Variants in ADAM17 observed in about 807,000 individuals in gnomAD.
The protein encoded by ADAM17 is ADAM metallopeptidase domain 17.
In ADAM17, 39 loss-of-function variants were observed where a neutral mutation model predicts 96.7. The observed-to-expected ratio is 0.40, with a 90% CI of 0.31 to 0.53. The LOEUF is 0.53. Ranked by LOEUF, ADAM17 falls within the 20% of genes least tolerant of loss-of-function variation. The probability of loss-of-function intolerance (pLI) is 0.44; values close to 1 mark genes in which losing one functional copy is unlikely to be tolerated. For synonymous variants in ADAM17, 344 were observed against 359.2 expected, an observed-to-expected ratio of 0.96 and a Z score of 0.48; for missense variants, 777 against 1,013.2, an observed-to-expected ratio of 0.77 and a Z score of 3.17.
chr2:9,545,257 GAC>G (rs1665361890), intron 1 of ADAM17, among the ~76,000 whole-genome samples: 1 of 152,082 alleles, frequency 6.6e-6, no homozygotes, highest in Admixed American at 6.6e-5. Context: ...AGGCAAGGCT[GAC>G]ACACTCAAAT....
chr2:9,525,848 A>C (rs1017788842), intron 6 of ADAM17, among the ~76,000 whole-genome samples: 1 of 152,240 alleles, frequency 6.6e-6, no homozygotes, highest in African/African-American at 2.4e-5. Context: ...TATATCAAGG[A>C]GGAAGGACTA....
chr2:9,523,189 A>C (rs1664379112), intron 7 of ADAM17, 60 bp downstream of exon 7: 2 of 1,305,498 alleles, frequency 1.5e-6, no homozygotes, highest in Middle Eastern at 1.9e-4. Flanking sequence ...TTTGAATACA[A>C]GTGACAAATA....
intron 5 of ADAM17, among the ~76,000 whole-genome samples, chr2:9,527,292 C>G (rs1190909103): frequency 2.0e-5 from 3 of 147,668 alleles, no homozygotes; most frequent in Non-Finnish European, 4.5e-5. Flanking sequence ...GCAAACAAAA[C>G]AAAACAAAAC....
At chr2:9,506,510 G>A (rs1193585068) in intron 11 of ADAM17, among the ~76,000 whole-genome samples, 3 of 152,010 alleles carry the variant, frequency 2.0e-5, no homozygotes, top group East Asian at 3.9e-4. Flanking sequence ...AGGACTACAG[G>A]TGCATGCCAC....
At chr2:9,533,526 A>G (rs1664838244) in intron 4 of ADAM17, among the ~76,000 whole-genome samples, 1 of 152,220 alleles carries the variant, frequency 6.6e-6, no homozygotes, top group African/African-American at 2.4e-5. Flanking sequence ...CAGCCTGGTA[A>G]CAGAGTGAGA....
chr2:9,505,201 G>A lies in ADAM17; in HGVS notation c.1509C>T (p.Asn503=). 6.2e-7 allele frequency: 1 copy of A among 1,614,186 alleles called. No individual in the cohort carries two copies. The change falls in exon 12 of 19, where the codon AAC becomes AAT. Residue 503 remains asparagine (N), a synonymous_variant. Transcript: ENST00000310823. ...CACCTTCCTTCAACGTGCAGTCGCTGTTGCAGCAGGTGTCGTTGTTCAGAT... is the reference window on the plus strand; with the variant it reads ...CACCTTCCTTCAACGTGCAGTCGCTATTGCAGCAGGTGTCGTTGTTCAGAT... The part of the protein sequence containing the change: ...IMYLNNDTCC[N]SDCTLKEGVQ...
intron 13 of ADAM17, 110 bp from the exon 14 acceptor site, chr2:9,497,358 CAA>C: frequency 1.4e-6 from 2 of 1,392,016 alleles, no homozygotes; most frequent in Non-Finnish European, 2.0e-6. Context: ...CTTGCAAAAG[CAA>C]AAAGTGACCT....
At chr2:9,517,841 T>C in intron 10 of ADAM17, 60 bp downstream of exon 10, 3 of 1,148,848 alleles carry the variant, frequency 2.6e-6, no homozygotes, top group Non-Finnish European at 3.6e-6. Flanking sequence ...CATAAATATA[T>C]AACTGAGGTT....
chr2:9,517,758 C>T (rs1664117595), intron 10 of ADAM17, 143 bp downstream of exon 10: 2 of 556,492 alleles, frequency 3.6e-6, no homozygotes, highest in African/African-American at 2.0e-5. Context: ...ATATATCCCA[C>T]AAAAATACAT....
Position 9,494,664 on chromosome 2 carries a change from G to C in ADAM17, c.1887C>G (p.Pro629=). The C allele has an allele frequency of 1.2e-6, 2 of 1,614,078 alleles. No homozygotes were observed. Among genetic ancestry groups the C allele is most frequent in the Non-Finnish European group, 1.7e-6 (2 of 1,179,976 alleles). The change falls in exon 15 of 19, where the codon CCC becomes CCG. Residue 629 remains proline, a synonymous_variant. Transcript: ENST00000310823. ...TCATGTCACAAAATCCTACTGTACAGGGCTTTCCTTTCCTCAAAAATAAGT... is the reference window on the plus strand; with the variant it reads ...TCATGTCACAAAATCCTACTGTACACGGCTTTCCTTTCCTCAAAAATAAGT... ...QKNLFLRKGK[P]CTVGFCDMNG... is the part of the protein sequence containing the mutation.
intron 12 of ADAM17, among the ~76,000 whole-genome samples, chr2:9,504,746 G>A (rs1332808525): frequency 1.4e-5 from 2 of 142,658 alleles, no homozygotes; most frequent in Non-Finnish European, 3.0e-5. Flanking sequence ...TGGCGACAGA[G>A]CAAGACTCTG....
chr2:9,514,318 G>C (rs373689578), intron 10 of ADAM17, among the ~76,000 whole-genome samples: 17 of 128,704 alleles, frequency 1.3e-4, no homozygotes, highest in South Asian at 1.3e-3. Context: ...GAGAACACTT[G>C]GACACAGGAA....
chr2:9,540,047 G>A lies in ADAM17; in HGVS notation c.230+3106C>T, dbSNP rs558161600. Among the ~76,000 whole-genome samples the A allele has an allele frequency of 3.9e-5, 6 of 152,190 alleles. No individual in the cohort carries two copies. The East Asian group carries it at 5.8e-4, about 15-fold the overall frequency. ...CAGAGAAAAGATAACAAGTGGCTAC[G>A]ATTTAATATTTTCTTAGGGAATCAA... On this transcript the variant is annotated intron_variant, in intron 2 of 18. Coordinates refer to ENST00000310823, the MANE Select transcript of ADAM17 (RefSeq NM_003183.6).
intron 18 of ADAM17, among the ~76,000 whole-genome samples, chr2:9,490,789 G>T (rs934268473): frequency 2.6e-5 from 4 of 152,102 alleles, no homozygotes; most frequent in Non-Finnish European, 4.4e-5. Context: ...ACCCAAAAGA[G>T]GATTCAAACC....
chr2:9,492,874 A>G, intron 17 of ADAM17, 24 bp downstream of exon 17: 1 of 1,571,540 alleles, frequency 6.4e-7, no homozygotes, highest in South Asian at 1.2e-5. Context: ...AAAACATTTA[A>G]TTACTTAAAA....
At position 9,499,276 on chromosome 2, in the gene ADAM17, T is replaced by TA. The variant is rs149562225; in HGVS notation, c.1649-2029dup. On this transcript the variant is annotated intron_variant, in intron 13 of 18. Transcript: ENST00000310823. ...ACAAACGTTTTCAAATTGTTTTACT[T>TA]ACGTTTATTTAAAAGAAAGCATTTT... is the stretch of plus-strand genomic sequence containing the variant. 2.1e-3 allele frequency among the ~76,000 whole-genome samples: 325 copies of TA among 152,318 alleles called. 1 individual carries two copies. Among genetic ancestry groups the TA allele is most frequent in the African/African-American group, 7.5e-3 (310 of 41,546 alleles).
chr2:9,503,338 A>G (rs1464759007), intron 12 of ADAM17, among the ~76,000 whole-genome samples: 1 of 152,186 alleles, frequency 6.6e-6, no homozygotes, highest in East Asian at 1.9e-4. Context: ...GCACTGGTCT[A>G]TCAGTGTATA....
chr2:9,494,609 A>C, intron 15 of ADAM17, 28 bp downstream of exon 15: 1 of 1,608,402 alleles, frequency 6.2e-7, no homozygotes, highest in Non-Finnish European at 8.5e-7. Flanking sequence ...TCTGGCTGTT[A>C]CAGAAAAAGC....
chr2:9,490,770 C>G (rs1273204412), intron 18 of ADAM17, among the ~76,000 whole-genome samples: 2 of 152,162 alleles, frequency 1.3e-5, no homozygotes, highest in African/African-American at 4.8e-5. Context: ...ACTTACTTAC[C>G]ATTTGAAGAC....
Sources: allele counts gnomAD v4.1 joint callset (sites outside exome capture counted in the v4.1 genomes callset), GRCh38; gene constraint gnomAD v4.1.1; transcripts MANE v1.5; gene names NCBI Gene and HGNC (gene_info 2026-07-23, HGNC 2026-07-21).